The following AHR variants were observed in gnomAD, a reference collection of about 807,000 sequenced individuals.
AHR encodes the protein aryl hydrocarbon receptor, also known as AH-receptor.
In AHR, 40 loss-of-function variants were observed where a neutral mutation model predicts 86.8. The ratio of observed to expected loss-of-function variants is 0.46; its 90% CI spans 0.36 to 0.60. AHR has a LOEUF of 0.60. Ranked by LOEUF, AHR falls within the 20% of genes least tolerant of loss-of-function variation. AHR has a pLI of 0.00. For missense variants in AHR, 1,001 were observed against 1,011.6 expected (o/e 0.99, Z 0.14); for synonymous variants, 398 against 354.9 (o/e 1.12, Z -1.37).
At chr7:17,304,217 A>T (rs1781983067) in intron 1 of AHR, among the ~76,000 whole-genome samples, 1 of 152,132 alleles carries the variant, frequency 6.6e-6, no homozygotes, top group Non-Finnish European at 1.5e-5. Context: ...TTGATGTCTT[A>T]CTGTGGTAGT....
Position 17,310,087 on chromosome 7 carries a change from A to C in AHR, c.217A>C (p.Ser73Arg). The C allele has an allele frequency of 1.2e-6, 2 of 1,613,994 alleles. No individual in the cohort carries two copies. The highest frequency in any genetic ancestry group is 1.7e-6 in the Non-Finnish European group (2 of 1,179,890). The change falls in exon 2 of 11, where the codon AGC becomes CGC. Residue 73 changes from serine to arginine, a missense_variant. Around this residue, in one of 2 missense-constraint regions of AHR, gnomAD observed 394 missense variants for 468.5 expected, o/e 0.84. Transcript: ENST00000242057. ...GGACAAACTTTCAGTTCTTAGGCTC[A>C]GCGTCAGTTACCTGAGAGCCAAGAG... ...KLDKLSVLRL[S>R]VSYLRAKSFF...
rs1161422440 is a variant in AHR at position 17,343,553 on chromosome 7, G to A, written c.*489G>A. On this transcript the variant is annotated 3_prime_UTR_variant, in exon 11 of 11. Transcript: ENST00000242057. Reference sequence around the variant, plus strand: ...CTCAGATGTTAAAATAAATGGTTTGGTGCTTTTTATAAAAAGATAATCTCA... The same window carrying A: ...CTCAGATGTTAAAATAAATGGTTTGATGCTTTTTATAAAAAGATAATCTCA... 3 of 155,558 alleles carry A rather than the reference G, an allele frequency of 1.9e-5. No individual in the cohort carries two copies. The East Asian group carries it at 5.6e-4, about 29-fold the overall frequency. The allele number at this position is 155,558 out of a possible 1,614,324, so 9.6% of individuals were successfully genotyped here.
intron 1 of AHR, among the ~76,000 whole-genome samples, chr7:17,302,499 A>G (rs1336546975): frequency 6.6e-6 from 1 of 151,994 alleles, no homozygotes. Flanking sequence ...AAAATAAAAG[A>G]ATGGGTCTTT....
chr7:17,319,659 C>T (rs954085649), intron 2 of AHR, among the ~76,000 whole-genome samples: 3 of 152,102 alleles, frequency 2.0e-5, no homozygotes, highest in Non-Finnish European at 4.4e-5. Flanking sequence ...GACAGTGTCT[C>T]ATGTCACTTT....
At position 17,343,860 on chromosome 7, in the gene AHR, A is replaced by T. The variant is rs1782454429; in HGVS notation, c.*796A>T. On this transcript the variant is annotated 3_prime_UTR_variant, in exon 11 of 11. Coordinates refer to ENST00000242057, the MANE Select transcript of AHR (RefSeq NM_001621.5). ...TTGTTTCTAGACTATAAATGTTGCT[A>T]TGTGCCTTATGTTGAAAAAATTTAA... 6.5e-6 allele frequency: 1 copy of T among 152,674 alleles called. No homozygotes were observed. The highest frequency in any genetic ancestry group is 1.5e-5 in the Non-Finnish European group (1 of 67,966). 9.5% of individuals were successfully genotyped at this position (152,674 alleles called of 1,614,324 possible). A position where few individuals can be genotyped will look rare whatever the true frequency, so the allele number is the denominator to read the frequency against.
intron 2 of AHR, among the ~76,000 whole-genome samples, chr7:17,311,378 C>T (rs1387464892): frequency 2.6e-5 from 4 of 152,016 alleles, no homozygotes; most frequent in Non-Finnish European, 4.4e-5. Flanking sequence ...TAACAAGCTC[C>T]GAGATGATGC....
chr7:17,315,984 G>A (rs1457889964), intron 2 of AHR, among the ~76,000 whole-genome samples: 1 of 152,104 alleles, frequency 6.6e-6, no homozygotes, highest in Non-Finnish European at 1.5e-5. Flanking sequence ...GGGAGAACAT[G>A]TAGAATAAGA....
rs1203746224 is a variant in AHR, at chr7:17,299,040, G to A, written c.-225G>A. 6.2e-6 allele frequency: 3 copies of A among 487,480 alleles called. No individual in the cohort carries two copies. The highest frequency in any genetic ancestry group is 1.1e-5 in the Non-Finnish European group (3 of 284,400). 30.2% of individuals were successfully genotyped at this position (487,480 alleles called of 1,614,324 possible). A position where few individuals can be genotyped will look rare whatever the true frequency, so the allele number is the denominator to read the frequency against. ...TCCGCCCCTCGCCCACCCTCACTGC[G>A]CCAGGCCCAGGCAGCTCACCTGTAC... On this transcript the variant is annotated 5_prime_UTR_variant, in exon 1 of 11. Coordinates refer to ENST00000242057, the MANE Select transcript of AHR (RefSeq NM_001621.5).
chr7:17,338,328 ACTTT>A (rs769960875), intron 9 of AHR, among the ~76,000 whole-genome samples: 1 of 151,490 alleles, frequency 6.6e-6, no homozygotes. Context: ...CAGATTCTTA[ACTTT>A]CTAATTCCTA....
At position 17,299,129 on chromosome 7, in the gene AHR, C is replaced by T. The variant is rs559832842; in HGVS notation, c.-136C>T. 4 of 961,954 alleles carry T rather than the reference C, an allele frequency of 4.2e-6. No individual in the cohort carries two copies. Among genetic ancestry groups the T allele is most frequent in the African/African-American group, 3.5e-5 (2 of 56,914 alleles). 59.6% of individuals were successfully genotyped at this position (961,954 alleles called of 1,614,324 possible). The stretch of plus-strand genomic sequence containing the variant: ...GAGGCGCGGCGCCCACGCCACTGTC[C>T]CGAGAGGACGCAGGTGGAGCGGGCG... On this transcript the variant is annotated 5_prime_UTR_variant, in exon 1 of 11. Coordinates refer to ENST00000242057, the MANE Select transcript of AHR (RefSeq NM_001621.5).
At chr7:17,311,002 G>T (rs777035718) in intron 2 of AHR, among the ~76,000 whole-genome samples, 1 of 152,078 alleles carries the variant, frequency 6.6e-6, no homozygotes, top group Non-Finnish European at 1.5e-5. Context: ...TAGCATCCCC[G>T]TATCTCAGTT....
At chr7:17,331,188 T>G (rs987277790) in intron 6 of AHR, among the ~76,000 whole-genome samples, 5 of 151,884 alleles carry the variant, frequency 3.3e-5, no homozygotes, top group Non-Finnish European at 7.4e-5. Context: ...TTACAAAAGT[T>G]TAATTCTACT....
chr7:17,305,335 A>G lies in AHR; in HGVS notation c.66-4601A>G, dbSNP rs186659963. 1.9e-3 allele frequency among the ~76,000 whole-genome samples: 293 copies of G among 152,328 alleles called. 3 individuals carry two copies. Among genetic ancestry groups the G allele is most frequent in the African/African-American group, 6.7e-3 (279 of 41,570 alleles). ...TTGTAAATATTTGAAATTTATATTC[A>G]GAGATAAATACGGATGCACTGAAGC... On this transcript the variant is annotated intron_variant, in intron 1 of 10. Transcript: ENST00000242057.
rs117763495 is a variant in AHR, at chr7:17,331,379, A to G, written c.705+493A>G. Among the ~76,000 whole-genome samples, 115 of 152,078 alleles carry G rather than the reference A, an allele frequency of 7.6e-4. No homozygotes were observed. The East Asian group carries it at 0.011, about 14-fold the overall frequency. On this transcript the variant is annotated intron_variant, in intron 6 of 10. Transcript: ENST00000242057. ...AATCTGCTACCAAATAATTTGATAAAGGAAAGTAACATTTTAAAGTAATTA... is the reference window on the plus strand; with the variant it reads ...AATCTGCTACCAAATAATTTGATAAGGGAAAGTAACATTTTAAAGTAATTA...
chr7:17,342,690 A>G (rs1337859488), intron 10 of AHR, among the ~76,000 whole-genome samples: 1 of 152,172 alleles, frequency 6.6e-6, no homozygotes, highest in Non-Finnish European at 1.5e-5. Flanking sequence ...TACCATGTTC[A>G]AAATTTCCTG....
intron 2 of AHR, among the ~76,000 whole-genome samples, chr7:17,314,041 C>T (rs969986181): frequency 1.3e-5 from 2 of 151,806 alleles, no homozygotes; most frequent in African/African-American, 4.8e-5. Flanking sequence ...TTTGAAATGC[C>T]CATTATTATG....
Position 17,343,343 on chromosome 7 carries a change from A to C in AHR, c.*279A>C. 2.9e-6 allele frequency: 1 copy of C among 341,488 alleles called. No homozygotes were observed. The highest frequency in any genetic ancestry group is 6.4e-5 in the South Asian group (1 of 15,568). The allele number at this position is 341,488 out of a possible 1,614,324, so 21.2% of individuals were successfully genotyped here. ...CACATTATTCTGGGCACCACAAAAT[A>C]TACAAAACTTTATCAGGGAAACTAA... On this transcript the variant is annotated 3_prime_UTR_variant, in exon 11 of 11. Transcript: ENST00000242057.
At chr7:17,315,744 CAT>C (rs1009726472) in intron 2 of AHR, among the ~76,000 whole-genome samples, 7 of 151,688 alleles carry the variant, frequency 4.6e-5, no homozygotes, top group African/African-American at 9.6e-5. Flanking sequence ...TTTTATAAAA[CAT>C]ATTCATATAT....
At position 17,339,404 on chromosome 7, in the gene AHR, C is replaced by T; in HGVS notation, c.1579C>T (p.His527Tyr). ...GGATGTGAACTCATTTGCTGGAGGT[C>T]ACCCAGGGCTCTTTCAAGATAGTAA... ...PQDVNSFAGGHPGLFQDSKNS... is the reference protein window; with the variant it reads ...PQDVNSFAGGYPGLFQDSKNS... The change falls in exon 10 of 11, where the codon CAC (histidine) becomes TAC (tyrosine). Residue 527 changes from histidine to tyrosine, a missense_variant. This residue lies in a region of AHR where 607 missense variants were observed against 543.1 expected (regional missense o/e 1.12). Coordinates refer to ENST00000242057, the MANE Select transcript of AHR (RefSeq NM_001621.5). The T allele has an allele frequency of 6.2e-7, 1 of 1,614,152 alleles. No individual in the cohort carries two copies. Among genetic ancestry groups the T allele is most frequent in the Non-Finnish European group, 8.5e-7 (1 of 1,180,044 alleles).
Sources: gnomAD v4.1 joint callset for allele counts (sites outside exome capture counted in the v4.1 genomes callset) on GRCh38, gnomAD v4.1.1 for gene constraint, gnomAD v4.1.1 regional missense constraint, MANE v1.5 for transcripts, NCBI Gene and HGNC (gene_info 2026-07-23, HGNC 2026-07-21) for gene names.